Variants in PTPRQ observed in about 807,000 individuals in gnomAD.
The protein encoded by PTPRQ is protein tyrosine phosphatase receptor type Q, also known as phosphatidylinositol phosphatase PTPRQ.
In PTPRQ, 199 loss-of-function variants were observed where a neutral mutation model predicts 246.0. The ratio of observed to expected loss-of-function variants is 0.81; its 90% confidence interval spans 0.72 to 0.91. PTPRQ has a LOEUF of 0.91. PTPRQ is among the 40% of genes least tolerant of loss of function. The pLI is 0.00. For missense variants in PTPRQ, 2,624 were observed against 2,528.4 expected (o/e 1.04, Z -0.81); for synonymous variants, 869 against 853.2 (o/e 1.02, Z -0.32).
intron 3 of PTPRQ, among the ~76,000 whole-genome samples, chr12:80,450,493 A>C (rs1211148013): frequency 2.0e-5 from 3 of 152,188 alleles, no homozygotes; most frequent in Non-Finnish European, 4.4e-5. Context: ...TTGCCCATTC[A>C]GTATGATATT....
intron 28 of PTPRQ, 49 bp from the exon 29 acceptor site, chr12:80,613,543 A>C: frequency 7.0e-7 from 1 of 1,431,266 alleles, no homozygotes; most frequent in Non-Finnish European, 9.3e-7. Context: ...GTGGAGATAA[A>C]AAGGAATACA....
chr12:80,658,735 C>T (rs1294546592), intron 39 of PTPRQ, among the ~76,000 whole-genome samples: 2 of 151,868 alleles, frequency 1.3e-5, no homozygotes, highest in African/African-American at 4.8e-5. Flanking sequence ...TATATTCTTA[C>T]CCACTGACTT....
chr12:80,506,003 C>A lies in PTPRQ; in HGVS notation c.2273-21C>A, dbSNP rs183499320. On this transcript the variant is annotated intron_variant, in intron 14 of 44. Coordinates refer to ENST00000644991, the MANE Select transcript of PTPRQ (RefSeq NM_001145026.2). ...TTTAGAATGGAATTGTTTTATGTAT[C>A]TATATTTTTGTTTCTTTCAGTGCCT... 8.5e-4 allele frequency: 1,294 copies of A among 1,530,394 alleles called. 8 individuals carry two copies. In the African/African-American group the frequency reaches 0.016, roughly 19 times the overall value. The allele number at this position is 1,530,394 out of a possible 1,614,324, so 94.8% of individuals were successfully genotyped here.
chr12:80,592,758 C>T (rs1473079900), intron 26 of PTPRQ, among the ~76,000 whole-genome samples: 1 of 151,978 alleles, frequency 6.6e-6, no homozygotes, highest in African/African-American at 2.4e-5. Flanking sequence ...GCCTGTAATC[C>T]CAGCACTTTG....
intron 17 of PTPRQ, among the ~76,000 whole-genome samples, chr12:80,531,565 T>A (rs1296680648): frequency 1.3e-5 from 2 of 152,210 alleles, no homozygotes; most frequent in South Asian, 2.1e-4. Context: ...CAGAGATTTA[T>A]GTGTTATCTG....
In PTPRQ at chr12:80,539,900, G is replaced by C. The variant is rs1057240139; in HGVS notation, c.3110G>C (p.Gly1037Ala). 6.5e-7 allele frequency: 1 copy of C among 1,548,244 alleles called. No individual in the cohort carries two copies. The highest frequency in any genetic ancestry group is 8.7e-7 in the Non-Finnish European group (1 of 1,145,350). Reference protein sequence around the residue: ...WLTASTSVGNGNKSSDIIEVY... With the variant: ...WLTASTSVGNANKSSDIIEVY... ...ACAGCAAGTACTTCAGTTGGAAATG[G>C]GAATAAAAGCAGTGACATCATTGAA... Residue 1037 changes from glycine to alanine, a missense_variant, in exon 20 of 45, where the codon GGG becomes GCG. Transcript: ENST00000644991.
intron 25 of PTPRQ, among the ~76,000 whole-genome samples, chr12:80,587,212 A>G (rs968745261): frequency 6.6e-6 from 1 of 152,290 alleles, no homozygotes; most frequent in Admixed American, 6.5e-5. Flanking sequence ...TTAGAGATCA[A>G]TGAGCTTTCT....
intron 3 of PTPRQ, chr12:80,454,478 G>C (rs138095498): frequency 1.4e-6 from 1 of 701,820 alleles, no homozygotes; most frequent in African/African-American, 1.8e-5. Flanking sequence ...TTGCTTGATC[G>C]CTCTGGCTAG....
chr12:80,656,038 T>C (rs111945035), intron 38 of PTPRQ, among the ~76,000 whole-genome samples: 2 of 152,176 alleles, frequency 1.3e-5, no homozygotes, highest in African/African-American at 4.8e-5. Context: ...TTGACTCAGA[T>C]AGTTATAAGG....
chr12:80,474,373 T>C (rs146371989), intron 8 of PTPRQ, among the ~76,000 whole-genome samples: 20 of 152,326 alleles, frequency 1.3e-4, no homozygotes, highest in African/African-American at 4.8e-4. Flanking sequence ...TTTAAAACAA[T>C]TGGTGCTCTT....
intron 39 of PTPRQ, among the ~76,000 whole-genome samples, chr12:80,666,231 A>C (rs1261895941): frequency 1.3e-5 from 2 of 152,080 alleles, no homozygotes; most frequent in South Asian, 2.1e-4. Context: ...AATACTATTT[A>C]GCCATGTAAA....
chr12:80,598,129 G>A (rs1190808544), intron 26 of PTPRQ, among the ~76,000 whole-genome samples: 1 of 151,806 alleles, frequency 6.6e-6, no homozygotes, highest in Non-Finnish European at 1.5e-5. Context: ...GAACATCCAT[G>A]AATCATTCTT....
chr12:80,544,474 G>C (rs1370467473), intron 23 of PTPRQ, among the ~76,000 whole-genome samples: 5 of 152,058 alleles, frequency 3.3e-5, no homozygotes, highest in Non-Finnish European at 7.4e-5. Flanking sequence ...TTCAGAAGTA[G>C]CAAAAATACC....
intron 17 of PTPRQ, among the ~76,000 whole-genome samples, chr12:80,529,097 T>C (rs919531818): frequency 6.6e-6 from 1 of 152,170 alleles, no homozygotes; most frequent in Non-Finnish European, 1.5e-5. Context: ...TTGGGATTAT[T>C]TAATACATAA....
intron 6 of PTPRQ, chr12:80,465,487 C>T (rs1893363721): frequency 6.6e-6 from 1 of 152,164 alleles, no homozygotes; most frequent in South Asian, 2.1e-4. Context: ...AAGAGGGAAT[C>T]CTCCCTAACT....
Position 80,542,361 on chromosome 12 carries a change from T to A in PTPRQ, c.3718T>A (p.Ser1240Thr). The change falls in exon 22 of 45, where the codon TCA becomes ACA. Residue 1240 changes from serine to threonine, a missense_variant. Ser to Thr is a moderately conservative substitution (Grantham distance 58). Coordinates refer to ENST00000644991, the MANE Select transcript of PTPRQ (RefSeq NM_001145026.2). ...SSILFFYTDE[S>T]VPLAPPQNLT... Reference sequence around the variant, plus strand: ...TATTCTTTTCTTTTACACAGATGAGTCAGGTAAGCCAGAATCCACATTTCT... The same window carrying A: ...TATTCTTTTCTTTTACACAGATGAGACAGGTAAGCCAGAATCCACATTTCT... The A allele has an allele frequency of 6.5e-7, 1 of 1,531,306 alleles. No individual in the cohort carries two copies. Among genetic ancestry groups the A allele is most frequent in the Non-Finnish European group, 8.8e-7 (1 of 1,142,424 alleles). 94.9% of individuals were successfully genotyped at this position (1,531,306 alleles called of 1,614,324 possible).
intron 15 of PTPRQ, 31 bp downstream of exon 15, chr12:80,506,237 G>T (rs1379195253): frequency 7.0e-7 from 1 of 1,436,608 alleles, no homozygotes; most frequent in Non-Finnish European, 9.2e-7. Flanking sequence ...TTGGATATTT[G>T]CATTTATAAT....
rs11114506 is a variant in PTPRQ, at chr12:80,546,452, A to G, written c.3874-104A>G. 10,102 of 1,106,166 alleles carry G rather than the reference A, an allele frequency of 9.1e-3. 678 individuals carry two copies. In the African/African-American group the frequency reaches 0.14, roughly 16 times the overall value. 68.5% of individuals were successfully genotyped at this position (1,106,166 alleles called of 1,614,324 possible). ...ATAATTTAAAATATCCATGCTTATT[A>G]AACTATAGGTTAAATATAAAAGGAA... On this transcript the variant is annotated intron_variant, in intron 23 of 44. Coordinates refer to ENST00000644991, the MANE Select transcript of PTPRQ (RefSeq NM_001145026.2).
intron 17 of PTPRQ, among the ~76,000 whole-genome samples, chr12:80,526,893 T>C (rs1453902791): frequency 1.3e-5 from 2 of 152,022 alleles, no homozygotes; most frequent in Admixed American, 1.3e-4. Context: ...AAAGAAAATA[T>C]CTTTAGTAAA....
Sources: gnomAD v4.1 joint callset for allele counts (sites outside exome capture counted in the v4.1 genomes callset) on GRCh38, gnomAD v4.1.1 for gene constraint, MANE v1.5 for transcripts, NCBI Gene and HGNC (gene_info 2026-07-23, HGNC 2026-07-21) for gene names.